PCDHA4: variants seen among roughly 807,000 people sequenced by gnomAD.
PCDHA4 encodes protocadherin alpha 4, also known as protocadherin alpha-4.
Under a neutral mutation model 61.4 loss-of-function variants are expected in PCDHA4, and 49 were observed. The observed-to-expected ratio is 0.80, with a 90% CI of 0.63 to 1.01. PCDHA4 has a LOEUF of 1.01. Ranked by LOEUF, PCDHA4 falls within the 50% of genes least tolerant of loss-of-function variation. PCDHA4 has a pLI of 0.00. For synonymous variants in PCDHA4, 590 were observed against 550.3 expected, an observed-to-expected ratio of 1.07 and a Z score of -1.01; for missense variants, 1,254 against 1,235.8, an observed-to-expected ratio of 1.01 and a Z score of -0.22.
chr5:140,916,612 G>A (rs1256459125), intron 1 of PCDHA4, among the ~76,000 whole-genome samples: 3 of 152,144 alleles, frequency 2.0e-5, no homozygotes, highest in African/African-American at 7.2e-5. Flanking sequence ...CGGGCCTCAT[G>A]ACTCTACTCA....
rs144072974 is a variant in PCDHA4 at position 140,938,897 on chromosome 5, G to GCA, written c.2386-40040_2386-40039dup. 1.4e-3 allele frequency among the ~76,000 whole-genome samples: 215 copies of GCA among 151,312 alleles called. 3 individuals carry two copies. The East Asian group carries it at 0.032, about 22-fold the overall frequency. Reference sequence around the variant, plus strand: ...AAGCAACACACACACACACAGATGCGCACACACACACACGCACAAGAAATT... The same window carrying GCA: ...AAGCAACACACACACACACAGATGCGCACACACACACACACGCACAAGAAATT... On this transcript the variant is annotated intron_variant, in intron 1 of 3. Coordinates refer to ENST00000530339, the MANE Select transcript of PCDHA4 (RefSeq NM_018907.4).
intron 1 of PCDHA4, chr5:140,870,533 C>T (rs1185177447): frequency 1.2e-6 from 2 of 1,614,050 alleles, no homozygotes; most frequent in East Asian, 2.2e-5. Flanking sequence ...TTCACAGTGT[C>T]GGCGCGGGAC....
chr5:140,847,059 G>A (rs1780837481), intron 1 of PCDHA4, among the ~76,000 whole-genome samples: 1 of 149,712 alleles, frequency 6.7e-6, no homozygotes, highest in East Asian at 1.9e-4. Context: ...GACACAGAAA[G>A]CATCAATATG....
chr5:140,891,820 G>T (rs1341896388), intron 1 of PCDHA4, among the ~76,000 whole-genome samples: 3 of 152,102 alleles, frequency 2.0e-5, no homozygotes, highest in African/African-American at 7.2e-5. Context: ...TAAATTAACG[G>T]CACTGTAAAA....
In PCDHA4 at chr5:140,876,702, C is replaced by A. The variant is rs1554168805; in HGVS notation, c.2385+67130C>A. 6.2e-7 allele frequency: 1 copy of A among 1,614,242 alleles called. No homozygotes were observed. Among genetic ancestry groups the A allele is most frequent in the Admixed American group, 1.7e-5 (1 of 60,028 alleles). The stretch of plus-strand genomic sequence containing the variant: ...AGAATTACTACTCGTTGGTGCTGGA[C>A]AGCGCCCTGGACCGCGAGAGCGTGT... On this transcript the variant is annotated intron_variant, in intron 1 of 3. Coordinates refer to ENST00000530339, the MANE Select transcript of PCDHA4 (RefSeq NM_018907.4).
Position 140,928,772 on chromosome 5 carries a change from C to T in PCDHA4, c.2386-50177C>T, listed in dbSNP as rs1554206297. The stretch of plus-strand genomic sequence containing the variant: ...CGTACTGCTCGCTTAGTTCTTCCCA[C>T]TGATGCAGTTAAGCAGAGGGTGGTG... On this transcript the variant is annotated intron_variant, in intron 1 of 3. Coordinates refer to ENST00000530339, the MANE Select transcript of PCDHA4 (RefSeq NM_018907.4). The T allele has an allele frequency of 2.5e-6, 4 of 1,614,054 alleles. No individual in the cohort carries two copies. The East Asian group carries it at 6.7e-5, about 27-fold the overall frequency.
At chr5:140,821,639 G>T (rs1554128143) in intron 1 of PCDHA4, 6 of 1,031,504 alleles carry the variant, frequency 5.8e-6, no homozygotes, top group South Asian at 5.2e-5. Flanking sequence ...GAAAGGAAAA[G>T]AACCTTCCAT....
intron 3 of PCDHA4, among the ~76,000 whole-genome samples, chr5:140,997,912 A>T (rs2097790316): frequency 1.3e-5 from 2 of 152,224 alleles, no homozygotes. Context: ...GTAGAATTAC[A>T]GAATCATAGG....
At chr5:140,873,858 A>G (rs1238963531) in intron 1 of PCDHA4, among the ~76,000 whole-genome samples, 9 of 152,022 alleles carry the variant, frequency 5.9e-5, no homozygotes, top group African/African-American at 1.9e-4. Context: ...ATGGGTTTTC[A>G]CCATGTTGGC....
intron 1 of PCDHA4, among the ~76,000 whole-genome samples, chr5:140,936,341 A>G (rs954946684): frequency 7.2e-5 from 11 of 152,172 alleles, no homozygotes; most frequent in African/African-American, 2.7e-4. Flanking sequence ...CTCTATCTGC[A>G]TATATGGAAT....
intron 1 of PCDHA4, chr5:140,967,767 A>G (rs782195052): frequency 1.2e-6 from 2 of 1,614,216 alleles, no homozygotes; most frequent in East Asian, 2.2e-5. Context: ...TACCAGATCT[A>G]TGTGCAGGCG....
intron 1 of PCDHA4, chr5:140,834,538 T>C: frequency 1.9e-6 from 3 of 1,614,074 alleles, no homozygotes; most frequent in Non-Finnish European, 2.5e-6. Flanking sequence ...GCGCAGGACC[T>C]GGGGCTGGAG....
chr5:140,882,836 T>C (rs782210486), intron 1 of PCDHA4: 1 of 1,614,226 alleles, frequency 6.2e-7, no homozygotes, highest in South Asian at 1.1e-5. Flanking sequence ...TGAGCAAATG[T>C]CTTCATTATC....
At chr5:140,886,555 C>T (rs1441725788) in intron 1 of PCDHA4, among the ~76,000 whole-genome samples, 3 of 151,830 alleles carry the variant, frequency 2.0e-5, no homozygotes, top group Non-Finnish European at 4.4e-5. Context: ...CAGCTGGGCA[C>T]GGTGGCTCAC....
intron 1 of PCDHA4, among the ~76,000 whole-genome samples, chr5:140,888,214 G>GTGTGTGTGCA (rs1387597541): frequency 6.6e-6 from 1 of 152,130 alleles, no homozygotes; most frequent in Admixed American, 6.5e-5. Context: ...TGGATTTTGT[G>GTGTGTGTGCA]TGTGTGTGCA....
intron 1 of PCDHA4, chr5:140,841,851 A>C: frequency 6.2e-7 from 1 of 1,613,782 alleles, no homozygotes; most frequent in South Asian, 1.1e-5. Flanking sequence ...TCTCATGATT[A>C]CTTCATGCTA....
chr5:140,829,651 G>A (rs2150172119), intron 1 of PCDHA4: 1 of 1,612,432 alleles, frequency 6.2e-7, no homozygotes, highest in South Asian at 1.1e-5. Flanking sequence ...TGTACGCGCT[G>A]CAGCCGCTGG....
At position 140,809,649 on chromosome 5, in the gene PCDHA4, A is replaced by G. The variant is rs550322878; in HGVS notation, c.2385+77A>G. Reference sequence around the variant, plus strand: ...ACTTCTTCGTAAATTTATTTCTAAGAGTCAAATTTCCCTGGGTTAAAATTT... The same window carrying G: ...ACTTCTTCGTAAATTTATTTCTAAGGGTCAAATTTCCCTGGGTTAAAATTT... On this transcript the variant is annotated intron_variant, in intron 1 of 3. Coordinates refer to ENST00000530339, the MANE Select transcript of PCDHA4 (RefSeq NM_018907.4). The G allele has an allele frequency of 2.0e-6, 3 of 1,498,874 alleles. No homozygotes were observed. The Admixed American group carries it at 6.9e-5, about 34-fold the overall frequency. 92.8% of individuals were successfully genotyped at this position (1,498,874 alleles called of 1,614,324 possible).
At chr5:140,884,035 C>A (rs782637499) in intron 1 of PCDHA4, 1 of 1,613,396 alleles carries the variant, frequency 6.2e-7, no homozygotes, top group South Asian at 1.1e-5. Context: ...GTGCAGGCCA[C>A]GTGGTGGCGA....
Sources: gnomAD v4.1 joint callset for allele counts (sites outside exome capture counted in the v4.1 genomes callset) on GRCh38, gnomAD v4.1.1 for gene constraint, MANE v1.5 for transcripts, NCBI Gene and HGNC (gene_info 2026-07-23, HGNC 2026-07-21) for gene names.